The following ERBB4 variants were observed in gnomAD, a reference collection of about 807,000 sequenced individuals.
The protein encoded by ERBB4 is erb-b2 receptor tyrosine kinase 4, also known as receptor tyrosine-protein kinase erbB-4.
A neutral mutation model predicts 158.0 loss-of-function variants in ERBB4; 42 were observed. The ratio of observed to expected loss-of-function variants is 0.27; its 90% CI spans 0.21 to 0.34. The LOEUF (loss-of-function observed/expected upper bound fraction) is 0.34, where lower values mean the gene tolerates loss of function less well. Among genes scored for constraint, ERBB4 ranks in the 10% least tolerant of loss-of-function variants. The probability of loss-of-function intolerance (pLI) is 1.00; values close to 1 mark genes in which losing one functional copy is unlikely to be tolerated. For missense variants in ERBB4, 1,333 were observed against 1,624.1 expected, an observed-to-expected ratio of 0.82 and a Z score of 3.08; for synonymous variants, 583 against 558.7, an observed-to-expected ratio of 1.04 and a Z score of -0.61.
At chr2:211,816,136 C>G (rs2076876104) in intron 3 of ERBB4, among the ~76,000 whole-genome samples, 1 of 152,156 alleles carries the variant, frequency 6.6e-6, no homozygotes, top group Non-Finnish European at 1.5e-5. Flanking sequence ...CTAATAAACT[C>G]CCTTTTTTAT....
At chr2:212,120,344 T>C (rs1485188206) in intron 2 of ERBB4, among the ~76,000 whole-genome samples, 3 of 152,184 alleles carry the variant, frequency 2.0e-5, no homozygotes, top group Admixed American at 6.5e-5. Context: ...TATTCCCACA[T>C]ACCTGGCCTG....
chr2:211,899,165 T>G (rs964279359), intron 3 of ERBB4, among the ~76,000 whole-genome samples: 4 of 152,158 alleles, frequency 2.6e-5, no homozygotes, highest in African/African-American at 9.6e-5. Context: ...GTTATAATAA[T>G]CAGCCATTAC....
At chr2:212,169,281 A>G (rs1050746482) in intron 1 of ERBB4, among the ~76,000 whole-genome samples, 6 of 152,140 alleles carry the variant, frequency 3.9e-5, no homozygotes, top group Admixed American at 3.9e-4. Context: ...ACTTATCAAC[A>G]GAAAATTGAA....
chr2:211,491,217 T>C (rs2065334365), intron 20 of ERBB4, among the ~76,000 whole-genome samples: 1 of 152,088 alleles, frequency 6.6e-6, no homozygotes, highest in Non-Finnish European at 1.5e-5. Flanking sequence ...TTTCAAGTGG[T>C]TTAGCACAAA....
intron 19 of ERBB4, among the ~76,000 whole-genome samples, chr2:211,597,841 C>A (rs1278415232): frequency 1.2e-4 from 18 of 151,050 alleles, no homozygotes; most frequent in Admixed American, 2.6e-4. Flanking sequence ...TTTTTTAATT[C>A]AAAAAAAATC....
intron 1 of ERBB4, among the ~76,000 whole-genome samples, chr2:212,312,486 C>T (rs1171702069): frequency 1.3e-5 from 2 of 150,846 alleles, no homozygotes; most frequent in Admixed American, 6.6e-5. Context: ...ATTTAGTGCA[C>T]TAAAATTTTT....
At chr2:212,092,861 T>G (rs1205227039) in intron 2 of ERBB4, among the ~76,000 whole-genome samples, 1 of 152,112 alleles carries the variant, frequency 6.6e-6, no homozygotes, top group Non-Finnish European at 1.5e-5. Context: ...CTAATGCAGA[T>G]GATGAGTTGA....
At chr2:211,730,304 G>T (rs908300004) in intron 5 of ERBB4, among the ~76,000 whole-genome samples, 1 of 151,862 alleles carries the variant, frequency 6.6e-6, no homozygotes, top group Non-Finnish European at 1.5e-5. Context: ...AAAAGACAAA[G>T]AATATTCATA....
intron 19 of ERBB4, among the ~76,000 whole-genome samples, chr2:211,569,556 T>C (rs1290961704): frequency 2.0e-5 from 3 of 152,274 alleles, no homozygotes; most frequent in East Asian, 1.9e-4. Flanking sequence ...AGTGTTGTGA[T>C]AGATAATGAA....
At chr2:211,920,297 T>G (rs2079823493) in intron 3 of ERBB4, among the ~76,000 whole-genome samples, 1 of 152,036 alleles carries the variant, frequency 6.6e-6, no homozygotes, top group Non-Finnish European at 1.5e-5. Context: ...GATTTCGCCT[T>G]TAATAAACAT....
chr2:211,454,781 T>G (rs1178049340), intron 20 of ERBB4, among the ~76,000 whole-genome samples: 1 of 152,206 alleles, frequency 6.6e-6, no homozygotes, highest in Non-Finnish European at 1.5e-5. Flanking sequence ...CCATTAGCCT[T>G]CTTGGGATAA....
chr2:211,581,165 G>A (rs1358911639), intron 19 of ERBB4, among the ~76,000 whole-genome samples: 1 of 151,580 alleles, frequency 6.6e-6, no homozygotes, highest in Non-Finnish European at 1.5e-5. Context: ...ATTTGGTGCA[G>A]TGTATACTGC....
intron 20 of ERBB4, among the ~76,000 whole-genome samples, chr2:211,461,670 A>G (rs2064534418): frequency 6.6e-6 from 1 of 152,194 alleles, no homozygotes; most frequent in Non-Finnish European, 1.5e-5. Context: ...ATATGCATCC[A>G]CAGAAGGAGA....
intron 2 of ERBB4, among the ~76,000 whole-genome samples, chr2:211,949,537 A>T (rs1355700728): frequency 6.6e-6 from 1 of 152,214 alleles, no homozygotes; most frequent in Non-Finnish European, 1.5e-5. Context: ...AGTTAATATC[A>T]GTTGTTTCTT....
At chr2:212,181,818 G>T (rs2081874983) in intron 1 of ERBB4, among the ~76,000 whole-genome samples, 1 of 151,674 alleles carries the variant, frequency 6.6e-6, no homozygotes. Context: ...CTAAGAGTGA[G>T]GCAACACCTA....
At chr2:212,020,617 C>G (rs528537917) in intron 2 of ERBB4, among the ~76,000 whole-genome samples, 37 of 152,160 alleles carry the variant, frequency 2.4e-4, no homozygotes, top group African/African-American at 8.7e-4. Context: ...TATCCTCAAG[C>G]TATTTAAGGT....
intron 1 of ERBB4, among the ~76,000 whole-genome samples, chr2:212,333,406 T>C (rs1442545080): frequency 6.6e-6 from 1 of 151,394 alleles, no homozygotes; most frequent in African/African-American, 2.4e-5. Flanking sequence ...AGGCTGGACA[T>C]GGTGGCTAAT....
At chr2:211,644,937 C>A (rs1273310839) in intron 16 of ERBB4, among the ~76,000 whole-genome samples, 2 of 151,792 alleles carry the variant, frequency 1.3e-5, no homozygotes, top group Non-Finnish European at 2.9e-5. Flanking sequence ...TACAATCATG[C>A]CAATTGAGTT....
chr2:212,319,134 T>G (rs1474137135), intron 1 of ERBB4, among the ~76,000 whole-genome samples: 1 of 151,656 alleles, frequency 6.6e-6, no homozygotes, highest in East Asian at 1.9e-4. Flanking sequence ...TGCTCAAAAT[T>G]TATTCCTCTT....
Sources: gnomAD v4.1 joint callset for allele counts (sites outside exome capture counted in the v4.1 genomes callset) on GRCh38, gnomAD v4.1.1 for gene constraint, MANE v1.5 for transcripts, NCBI Gene and HGNC (gene_info 2026-07-23, HGNC 2026-07-21) for gene names.